Variants in KLHL1 observed in about 807,000 individuals in gnomAD.
KLHL1 encodes kelch like family member 1.
A neutral mutation model predicts 77.7 loss-of-function variants in KLHL1; 47 were observed. The observed-to-expected ratio is 0.60, with a 90% confidence interval of 0.48 to 0.77. The LOEUF is 0.77. Ranked by LOEUF, KLHL1 falls within the 30% of genes least tolerant of loss-of-function variation. The pLI is 0.00. For synonymous variants in KLHL1, 360 were observed against 325.2 expected (o/e 1.11, Z -1.15); for missense variants, 925 against 910.8 (o/e 1.02, Z -0.20).
intron 9 of KLHL1, among the ~76,000 whole-genome samples, chr13:69,713,917 A>G (rs1311548056): frequency 1.3e-5 from 2 of 152,114 alleles, no homozygotes; most frequent in African/African-American, 4.8e-5. Flanking sequence ...TAACCCCAAG[A>G]CAGAGGAGAA....
At chr13:70,020,047 T>C (rs1439739188) in intron 1 of KLHL1, among the ~76,000 whole-genome samples, 1 of 152,152 alleles carries the variant, frequency 6.6e-6, no homozygotes, top group African/African-American at 2.4e-5. Context: ...CCTCACCTAA[T>C]GCCATATGCC....
At chr13:69,770,164 A>G (rs142378365) in intron 7 of KLHL1, among the ~76,000 whole-genome samples, 1 of 152,136 alleles carries the variant, frequency 6.6e-6, no homozygotes, top group Non-Finnish European at 1.5e-5. Flanking sequence ...GTTTTTAGGC[A>G]CCACTGCATT....
intron 5 of KLHL1, among the ~76,000 whole-genome samples, chr13:69,842,895 T>C (rs1341738204): frequency 6.6e-6 from 1 of 151,748 alleles, no homozygotes; most frequent in African/African-American, 2.4e-5. Context: ...GCAACATGTA[T>C]GGAACTGGAG....
At chr13:70,066,952 G>C (rs1477224961) in intron 1 of KLHL1, among the ~76,000 whole-genome samples, 1 of 152,134 alleles carries the variant, frequency 6.6e-6, no homozygotes. Flanking sequence ...TACGATTCCA[G>C]GAGCATAAGT....
At chr13:69,882,581 T>C (rs1166945080) in intron 4 of KLHL1, 86 bp from the exon 5 acceptor site, 17 of 842,388 alleles carry the variant, frequency 2.0e-5, no homozygotes, top group East Asian at 1.0e-4. Context: ...AAGTAGTCAA[T>C]ATCCTTTGTT....
At chr13:69,729,799 A>G (rs1284259055) in intron 8 of KLHL1, among the ~76,000 whole-genome samples, 1 of 152,206 alleles carries the variant, frequency 6.6e-6, no homozygotes, top group Non-Finnish European at 1.5e-5. Flanking sequence ...GGAGCCATTC[A>G]AAACATTTTC....
chr13:70,102,619 T>C (rs1392637601), intron 1 of KLHL1, among the ~76,000 whole-genome samples: 1 of 152,188 alleles, frequency 6.6e-6, no homozygotes, highest in Admixed American at 6.5e-5. Context: ...CAATATGGTA[T>C]CTGGAGTCAG....
intron 4 of KLHL1, among the ~76,000 whole-genome samples, chr13:69,913,472 G>A (rs969189795): frequency 1.3e-5 from 2 of 152,224 alleles, no homozygotes; most frequent in Admixed American, 6.5e-5. Context: ...GGCGGTGCAC[G>A]CGATGGGGAG....
At chr13:69,969,240 T>C (rs1330659823) in intron 2 of KLHL1, among the ~76,000 whole-genome samples, 1 of 152,128 alleles carries the variant, frequency 6.6e-6, no homozygotes, top group Non-Finnish European at 1.5e-5. Flanking sequence ...TGGCTTTAAA[T>C]ATTTTATTAA....
intron 4 of KLHL1, among the ~76,000 whole-genome samples, chr13:69,929,027 T>C (rs1031335361): frequency 2.0e-5 from 3 of 152,120 alleles, no homozygotes; most frequent in Admixed American, 1.3e-4. Context: ...TGTGGGGACA[T>C]AACAGTTTTA....
chr13:70,037,888 T>G (rs185189262), intron 1 of KLHL1, among the ~76,000 whole-genome samples: 2 of 152,306 alleles, frequency 1.3e-5, no homozygotes, highest in African/African-American at 4.8e-5. Flanking sequence ...CTTCATTATA[T>G]GTATAATTCC....
intron 3 of KLHL1, among the ~76,000 whole-genome samples, chr13:69,958,663 A>C (rs1349895050): frequency 1.3e-5 from 2 of 151,826 alleles, no homozygotes; most frequent in Non-Finnish European, 2.9e-5. Context: ...TTGCTTCTAC[A>C]GCTAATAATT....
intron 4 of KLHL1, among the ~76,000 whole-genome samples, chr13:69,928,412 T>C (rs1476092275): frequency 1.3e-5 from 2 of 152,210 alleles, no homozygotes; most frequent in African/African-American, 4.8e-5. Context: ...AACCTCTTTG[T>C]CTGCTGCAAC....
At chr13:69,933,938 T>C (rs890611068) in intron 4 of KLHL1, among the ~76,000 whole-genome samples, 2 of 152,116 alleles carry the variant, frequency 1.3e-5, no homozygotes, top group African/African-American at 2.4e-5. Flanking sequence ...ATGGGCAATA[T>C]GTAATCACGG....
intron 1 of KLHL1, among the ~76,000 whole-genome samples, chr13:69,994,244 T>C (rs899293955): frequency 2.0e-5 from 3 of 152,110 alleles, no homozygotes; most frequent in Admixed American, 1.3e-4. Flanking sequence ...AAAATTATGC[T>C]ATTAATGAGG....
intron 6 of KLHL1, among the ~76,000 whole-genome samples, chr13:69,823,540 A>T (rs1378734158): frequency 2.0e-5 from 3 of 152,070 alleles, no homozygotes; most frequent in Non-Finnish European, 2.9e-5. Context: ...ATACACACAC[A>T]TATAGCACCA....
At chr13:69,924,068 C>T (rs1372512666) in intron 4 of KLHL1, among the ~76,000 whole-genome samples, 1 of 152,212 alleles carries the variant, frequency 6.6e-6, no homozygotes, top group Non-Finnish European at 1.5e-5. Context: ...TGCTGACATG[C>T]CAACTCCCTG....
At chr13:69,865,003 G>C (rs1880316867) in intron 5 of KLHL1, among the ~76,000 whole-genome samples, 1 of 152,180 alleles carries the variant, frequency 6.6e-6, no homozygotes, top group Admixed American at 6.5e-5. Flanking sequence ...CAGGAGTGCA[G>C]TGGTGTGATC....
At chr13:69,954,679 A>G (rs139231310) in intron 3 of KLHL1, among the ~76,000 whole-genome samples, 1,562 of 151,358 alleles carry the variant, frequency 0.01, 27 homozygotes, top group African/African-American at 0.035. Flanking sequence ...CAAAGCCAAA[A>G]CACTGTTCAA....
Sources: allele counts gnomAD v4.1 joint callset (sites outside exome capture counted in the v4.1 genomes callset), GRCh38; gene constraint gnomAD v4.1.1; transcripts MANE v1.5; gene names NCBI Gene and HGNC (gene_info 2026-07-23, HGNC 2026-07-21).